Variants in NF1 observed in about 807,000 individuals in gnomAD.
NF1 encodes neurofibromin.
A neutral mutation model predicts 325.7 loss-of-function variants in NF1; 122 were observed. The observed-to-expected ratio is 0.37, with a 90% CI of 0.32 to 0.44. The LOEUF (loss-of-function observed/expected upper bound fraction) is 0.44. Among genes scored for constraint, NF1 ranks in the 20% least tolerant of loss-of-function variants. The pLI, the probability that NF1 is intolerant of heterozygous loss-of-function variation, is 1.00. For missense variants in NF1, 2,140 were observed against 3,415.4 expected (o/e 0.63, Z 9.31); for synonymous variants, 1,091 against 1,186.0 (o/e 0.92, Z 1.65).
At position 31,232,748 on chromosome 17, in the gene NF1, A is replaced by G. The variant is rs2151434555; in HGVS notation, c.3363A>G (p.Glu1121=). 6.2e-7 allele frequency: 1 copy of G among 1,613,948 alleles called. No homozygotes were observed. The highest frequency in any genetic ancestry group is 8.5e-7 in the Non-Finnish European group (1 of 1,179,966). The change falls in exon 26 of 58, where the codon GAA becomes GAG. Residue 1121 remains glutamate (E), a synonymous_variant. Transcript: ENST00000358273. ...TTTTGAATGACTGCAGTGAAGTTGA[A>G]GATGAAAGTGCGCAAACAGGTGGCA... The part of the protein sequence containing the change: ...MNLLNDCSEV[E]DESAQTGGRK...
intron 16 of NF1, 64 bp from the exon 17 acceptor site, chr17:31,225,031 A>AT: frequency 6.4e-7 from 1 of 1,571,578 alleles, no homozygotes; most frequent in South Asian, 1.1e-5. Flanking sequence ...GACAACTCAA[A>AT]TAAGTGTTTA....
At chr17:31,223,334 A>G in intron 15 of NF1, 110 bp from the exon 16 acceptor site, 1 of 1,300,630 alleles carries the variant, frequency 7.7e-7, no homozygotes, top group Non-Finnish European at 1.1e-6. Flanking sequence ...AAGAAAAACT[A>G]AGCTTCTCTA....
Position 31,377,270 on chromosome 17 carries a change from T to C in NF1, c.*3115T>C. On this transcript the variant is annotated 3_prime_UTR_variant, in exon 58 of 58. Coordinates refer to ENST00000358273, the MANE Select transcript of NF1 (RefSeq NM_001042492.3). ...TATACTGTAAATATATGTGATGATA[T>C]ATTGTATTATTTTGCTTTTTTGTAA... 1 of 233,456 alleles carries C rather than the reference T, an allele frequency of 4.3e-6. No homozygotes were observed. The highest frequency in any genetic ancestry group is 6.1e-5 in the East Asian group (1 of 16,516). 14.5% of individuals were successfully genotyped at this position (233,456 alleles called of 1,614,324 possible).
At chr17:31,139,585 G>A (rs890864231) in intron 1 of NF1, among the ~76,000 whole-genome samples, 4 of 152,176 alleles carry the variant, frequency 2.6e-5, no homozygotes, top group African/African-American at 9.7e-5. Flanking sequence ...TCATGTGCAT[G>A]GGCTAGGGTA....
At chr17:31,265,904 C>A (rs1442944399) in intron 36 of NF1, among the ~76,000 whole-genome samples, 1 of 152,140 alleles carries the variant, frequency 6.6e-6, no homozygotes, top group Non-Finnish European at 1.5e-5. Context: ...GTTGTGAGCT[C>A]TTCCTTAATA....
chr17:31,217,913 C>T (rs376663276), intron 13 of NF1, among the ~76,000 whole-genome samples: 8 of 143,380 alleles, frequency 5.6e-5, no homozygotes, highest in South Asian at 2.3e-4. Flanking sequence ...TGCAGTGAGC[C>T]GAGATCACGC....
Position 31,356,544 on chromosome 17 carries a change from C to G in NF1, c.7700C>G (p.Pro2567Arg), listed in dbSNP as rs754511534. The G allele has an allele frequency of 6.2e-6, 10 of 1,613,706 alleles. No individual in the cohort carries two copies. Among genetic ancestry groups the G allele is most frequent in the Non-Finnish European group, 8.5e-6 (10 of 1,179,794 alleles). ...QEMESGITTPPKMRRVAETDY... is the reference protein window; with the variant it reads ...QEMESGITTPRKMRRVAETDY... ...ATGGAATCAGGGATCACAACACCCCCCAAAATGAGGAGAGTAGCAGAAACT... is the reference window on the plus strand; with the variant it reads ...ATGGAATCAGGGATCACAACACCCCGCAAAATGAGGAGAGTAGCAGAAACT... The change falls in exon 52 of 58, where the codon CCC (proline) becomes CGC (arginine). Residue 2567 changes from proline to arginine, a missense_variant. This residue lies in a region of NF1 where 522 missense variants were observed against 749.0 expected (regional missense o/e 0.70). Coordinates refer to ENST00000358273, the MANE Select transcript of NF1 (RefSeq NM_001042492.3).
chr17:31,164,179 A>G (rs2065808300), intron 4 of NF1, among the ~76,000 whole-genome samples: 1 of 152,236 alleles, frequency 6.6e-6, no homozygotes, highest in African/African-American at 2.4e-5. Flanking sequence ...TATTAGTTTC[A>G]CTATACCAGA....
At position 31,229,027 on chromosome 17, in the gene NF1, T is replaced by A. The variant is rs2151428788; in HGVS notation, c.2412T>A (p.Ala804=). 2 of 1,598,080 alleles carry A rather than the reference T, an allele frequency of 1.3e-6. No homozygotes were observed. Among genetic ancestry groups the A allele is most frequent in the Non-Finnish European group, 1.7e-6 (2 of 1,168,792 alleles). ...TTGCACAAAAATTTTGTGTTTAGGCTGCTGAAAGCCTTCACAAGACCATTG... is the reference window on the plus strand; with the variant it reads ...TTGCACAAAAATTTTGTGTTTAGGCAGCTGAAAGCCTTCACAAGACCATTG... ...YPKAKMEDGQ[A]AESLHKTIVK... Residue 804 remains alanine (A), a splice_region_variant and synonymous_variant, in exon 21 of 58, where the codon GCT becomes GCA. Coordinates refer to ENST00000358273, the MANE Select transcript of NF1 (RefSeq NM_001042492.3).
chr17:31,286,270 T>G (rs761332867), intron 36 of NF1, among the ~76,000 whole-genome samples: 2 of 152,126 alleles, frequency 1.3e-5, no homozygotes, highest in African/African-American at 2.4e-5. Context: ...AATTTTTGTA[T>G]TTTTAGTAGA....
At chr17:31,167,156 G>A (rs1241494119) in intron 4 of NF1, among the ~76,000 whole-genome samples, 2 of 152,118 alleles carry the variant, frequency 1.3e-5, no homozygotes, top group African/African-American at 4.8e-5. Context: ...ACAACCACAA[G>A]AGTCAACTTT....
chr17:31,180,221 G>A (rs1468595666), intron 5 of NF1, among the ~76,000 whole-genome samples: 7 of 152,200 alleles, frequency 4.6e-5, no homozygotes, highest in Admixed American at 4.6e-4. Flanking sequence ...GAAAAAGAGT[G>A]AATCCTCCCT....
intron 8 of NF1, among the ~76,000 whole-genome samples, chr17:31,185,105 C>T (rs987134391): frequency 6.6e-6 from 1 of 152,098 alleles, no homozygotes; most frequent in Non-Finnish European, 1.5e-5. Context: ...AGAGATAAAC[C>T]CTGCGCTGCC....
intron 36 of NF1, chr17:31,318,192 G>A (rs964346962): frequency 1.5e-6 from 2 of 1,362,446 alleles, no homozygotes; most frequent in Non-Finnish European, 2.0e-6. Flanking sequence ...TAAATTGCAA[G>A]GTCTACCATG....
chr17:31,159,596 G>A (rs557887478), intron 3 of NF1, among the ~76,000 whole-genome samples: 1 of 152,284 alleles, frequency 6.6e-6, no homozygotes, highest in Non-Finnish European at 1.5e-5. Flanking sequence ...TAGGTATGTG[G>A]AGGAGGAGAG....
intron 36 of NF1, among the ~76,000 whole-genome samples, chr17:31,281,825 G>T (rs528375991): frequency 3.3e-5 from 5 of 152,200 alleles, no homozygotes; most frequent in African/African-American, 1.2e-4. Context: ...GGAGACTGAG[G>T]TTGGGAGAGT....
At chr17:31,195,883 C>G (rs2066426313) in intron 8 of NF1, among the ~76,000 whole-genome samples, 1 of 151,982 alleles carries the variant, frequency 6.6e-6, no homozygotes, top group South Asian at 2.1e-4. Flanking sequence ...ATAAATAATG[C>G]TACTGTGAAC....
chr17:31,318,973 A>G (rs1380417486), intron 36 of NF1: 2 of 1,612,716 alleles, frequency 1.2e-6, no homozygotes, highest in South Asian at 1.1e-5. Flanking sequence ...CAGAAAGGCA[A>G]GATGTAGGTA....
At chr17:31,163,936 T>G (rs2065805016) in intron 4 of NF1, among the ~76,000 whole-genome samples, 1 of 151,434 alleles carries the variant, frequency 6.6e-6, no homozygotes, top group Non-Finnish European at 1.5e-5. Flanking sequence ...CACAAGGAGG[T>G]GAATAATTGC....
Sources: gnomAD v4.1 joint callset for allele counts (sites outside exome capture counted in the v4.1 genomes callset) on GRCh38, gnomAD v4.1.1 for gene constraint, gnomAD v4.1.1 regional missense constraint, MANE v1.5 for transcripts, NCBI Gene and HGNC (gene_info 2026-07-23, HGNC 2026-07-21) for gene names.